The following TRPM1 variants were observed in gnomAD, a reference collection of about 807,000 sequenced individuals.
TRPM1 encodes TRPM1-203 APA Isoform, Intron 10.
A neutral mutation model predicts 149.4 loss-of-function variants in TRPM1; 113 were observed. The observed-to-expected ratio is 0.76, with a 90% confidence interval of 0.65 to 0.88. The LOEUF is 0.88. Ranked by LOEUF, TRPM1 falls within the 40% of genes least tolerant of loss-of-function variation. The pLI, the probability that TRPM1 is intolerant of heterozygous loss-of-function variation, is 0.00. For synonymous variants in TRPM1, 741 were observed against 759.5 expected, an observed-to-expected ratio of 0.98 and a Z score of 0.40; for missense variants, 1,976 against 2,038.7, an observed-to-expected ratio of 0.97 and a Z score of 0.59.
At chr15:31,034,827 T>C (rs756196603) in intron 21 of TRPM1, among the ~76,000 whole-genome samples, 1 of 152,270 alleles carries the variant, frequency 6.6e-6, no homozygotes, top group Non-Finnish European at 1.5e-5. Flanking sequence ...CTGGCAGCAT[T>C]TGCTGATGCT....
intron 1 of TRPM1, among the ~76,000 whole-genome samples, chr15:31,135,821 A>G (rs933448806): frequency 3.3e-5 from 5 of 152,022 alleles, no homozygotes; most frequent in Admixed American, 3.3e-4. Flanking sequence ...CTCTTCCACC[A>G]TGAGTGGAGG....
rs1187695912 is a variant in TRPM1 at position 31,035,553 on chromosome 15, A to G, written c.2693T>C (p.Ile898Thr). ...SYIVSLALEK[I>T]REILMSEPGK... The stretch of plus-strand genomic sequence containing the variant: ...GGCCTTTGGAGTAGCCACCTCTCGT[A>G]TCTTCTCTAACGCCAGGCTCACGAT... The change falls in exon 21 of 28, where the codon ATA (isoleucine) becomes ACA (threonine). Residue 898 changes from isoleucine (I) to threonine (T), a missense_variant. Coordinates refer to ENST00000256552, the MANE Select transcript of TRPM1 (RefSeq NM_001252024.2). The G allele has an allele frequency of 6.2e-7, 1 of 1,614,136 alleles. No individual in the cohort carries two copies. Among genetic ancestry groups the G allele is most frequent in the Non-Finnish European group, 8.5e-7 (1 of 1,180,020 alleles).
Position 31,047,246 on chromosome 15 carries a change from G to T in TRPM1, c.1629C>A (p.Asn543Lys), listed in dbSNP as rs1319790152. 1.2e-6 allele frequency: 2 copies of T among 1,614,124 alleles called. No individual in the cohort carries two copies. Among genetic ancestry groups the T allele is most frequent in the Non-Finnish European group, 1.7e-6 (2 of 1,180,044 alleles). Residue 543 changes from asparagine to lysine, a missense_variant, in exon 15 of 28, where the codon AAC becomes AAA. Asn to Lys is a moderately conservative substitution (Grantham distance 94). This residue lies in a region of TRPM1 where 1,332 missense variants were observed against 1,347.1 expected (regional missense o/e 0.99). Coordinates refer to ENST00000256552, the MANE Select transcript of TRPM1 (RefSeq NM_001252024.2). ...HLLVRDVKKS[N>K]LPPDYHISLI... The stretch of plus-strand genomic sequence containing the variant: ...GGCTGATGTGGTAATCAGGCGGAAG[G>T]TTGCTCTGTAAAAGAAGTCTGGTCT...
intron 2 of TRPM1, among the ~76,000 whole-genome samples, chr15:31,078,720 C>T (rs1048866933): frequency 6.6e-6 from 1 of 152,192 alleles, no homozygotes; most frequent in Non-Finnish European, 1.5e-5. Flanking sequence ...CGCAAGACAG[C>T]GAAGCCCAGC....
intron 11 of TRPM1, among the ~76,000 whole-genome samples, chr15:31,053,180 A>T (rs1044816809): frequency 6.6e-6 from 1 of 152,212 alleles, no homozygotes; most frequent in Non-Finnish European, 1.5e-5. Context: ...CAATATCACT[A>T]ATCATTAGGG....
chr15:31,116,887 C>T (rs2879275), intron 1 of TRPM1, among the ~76,000 whole-genome samples: 61,839 of 152,010 alleles, frequency 0.41, 13,234 homozygotes, highest in East Asian at 0.73. Flanking sequence ...TACCTCACTT[C>T]TTCTTATGCA....
At chr15:31,062,795 G>C in intron 8 of TRPM1, 93 bp from the exon 9 acceptor site, 1 of 1,406,156 alleles carries the variant, frequency 7.1e-7, no homozygotes, top group East Asian at 2.3e-5. Context: ...TTGAGACTTT[G>C]CTGTGGGAGG....
intron 4 of TRPM1, among the ~76,000 whole-genome samples, chr15:31,068,422 C>T (rs570075912): frequency 1.1e-4 from 17 of 152,192 alleles, no homozygotes; most frequent in African/African-American, 4.1e-4. Context: ...ATGGATCCCT[C>T]GTGAGTGGGA....
At chr15:31,137,866 T>C (rs2036110016) in intron 1 of TRPM1, among the ~76,000 whole-genome samples, 2 of 152,116 alleles carry the variant, frequency 1.3e-5, no homozygotes. Flanking sequence ...AAAATAGAGC[T>C]CAGAGCCATA....
intron 1 of TRPM1, among the ~76,000 whole-genome samples, chr15:31,117,048 A>G (rs879874746): frequency 2.0e-5 from 3 of 152,316 alleles, no homozygotes; most frequent in Non-Finnish European, 4.4e-5. Context: ...AATAACTACA[A>G]TTAATATACT....
chr15:31,134,864 G>T (rs534682584), intron 1 of TRPM1, among the ~76,000 whole-genome samples: 1 of 152,286 alleles, frequency 6.6e-6, no homozygotes, highest in East Asian at 1.9e-4. Context: ...TTAGCTGGGT[G>T]TGGTGGCCCA....
At chr15:31,084,494 G>A (rs756220324) in intron 1 of TRPM1, among the ~76,000 whole-genome samples, 5 of 151,950 alleles carry the variant, frequency 3.3e-5, no homozygotes, top group African/African-American at 4.8e-5. Context: ...CCTTTTGCTC[G>A]GCGTCATGTT....
At chr15:31,127,564 C>A (rs551818540) in intron 1 of TRPM1, among the ~76,000 whole-genome samples, 3 of 152,290 alleles carry the variant, frequency 2.0e-5, no homozygotes, top group East Asian at 1.9e-4. Flanking sequence ...GCTAACATTC[C>A]GTTTGGGTTC....
Position 31,032,822 on chromosome 15 carries a change from A to T in TRPM1, c.2819T>A (p.Leu940Gln). ...STFMIGAILR[L>Q]QNQPYMGYGR... ...ATAGCCCATGTAGGGCTGGTTCTGT[A>T]GGCGAAGAATTGCTCCAATCATGAA... Residue 940 changes from leucine (L) to glutamine (Q), a missense_variant, in exon 22 of 28, where the codon CTA becomes CAA. Around this residue, in one of 3 missense-constraint regions of TRPM1, gnomAD observed 1,332 missense variants for 1,347.1 expected, o/e 0.99. Coordinates refer to ENST00000256552, the MANE Select transcript of TRPM1 (RefSeq NM_001252024.2). 1 of 1,614,230 alleles carries T rather than the reference A, an allele frequency of 6.2e-7. No homozygotes were observed. Among genetic ancestry groups the T allele is most frequent in the South Asian group, 1.1e-5 (1 of 91,084 alleles).
At chr15:31,041,352 A>T (rs545087500) in intron 17 of TRPM1, among the ~76,000 whole-genome samples, 4 of 152,080 alleles carry the variant, frequency 2.6e-5, no homozygotes, top group South Asian at 2.1e-4. Context: ...GGGTTTCACC[A>T]TGTTAGCCAG....
At chr15:31,016,422 T>A (rs1269494161) in intron 27 of TRPM1, among the ~76,000 whole-genome samples, 1 of 152,212 alleles carries the variant, frequency 6.6e-6, no homozygotes, top group East Asian at 1.9e-4. Context: ...AATTGAAGTT[T>A]GTGGCTTCTG....
chr15:31,020,800 T>C (rs967513105), intron 27 of TRPM1, among the ~76,000 whole-genome samples: 1 of 152,184 alleles, frequency 6.6e-6, no homozygotes, highest in African/African-American at 2.4e-5. Flanking sequence ...GGATACTGCA[T>C]GCTTGTCTCT....
At chr15:31,042,691 G>C (rs543227685) in intron 16 of TRPM1, among the ~76,000 whole-genome samples, 5 of 90,230 alleles carry the variant, frequency 5.5e-5, no homozygotes, top group African/African-American at 1.9e-4. Flanking sequence ...CAGGAAACAT[G>C]CAAAAGGGGC....
chr15:31,066,311 C>A (rs2034375644), intron 6 of TRPM1, 64 bp from the exon 7 acceptor site: 1 of 1,568,464 alleles, frequency 6.4e-7, no homozygotes, highest in South Asian at 1.1e-5. Context: ...ACAAGGGAAG[C>A]AAGCACAATA....
Sources: allele counts gnomAD v4.1 joint callset (sites outside exome capture counted in the v4.1 genomes callset), GRCh38; gene constraint gnomAD v4.1.1; regional missense constraint gnomAD v4.1.1; transcripts MANE v1.5; gene names NCBI Gene and HGNC (gene_info 2026-07-23, HGNC 2026-07-21).